TMC2: variants seen among roughly 807,000 people sequenced by gnomAD.
TMC2 encodes transmembrane channel-like protein 2.
TMC2 carries 102 observed loss-of-function variants against 105.9 expected under a neutral mutation model. That is an observed-to-expected ratio of 0.96 (90% CI 0.82 to 1.14). TMC2 has a LOEUF of 1.14. Ranked by LOEUF, TMC2 falls within the 50% of genes most tolerant of loss-of-function variation. TMC2 has a pLI of 0.00. For synonymous variants in TMC2, 402 were observed against 422.8 expected (o/e 0.95, Z 0.60); for missense variants, 1,093 against 1,134.3 (o/e 0.96, Z 0.52).
At chr20:2,587,963 G>T (rs968272680) in intron 7 of TMC2, among the ~76,000 whole-genome samples, 4 of 151,876 alleles carry the variant, frequency 2.6e-5, no homozygotes, top group African/African-American at 9.7e-5. Context: ...TGTATATGTG[G>T]TAGGCAGAAT....
chr20:2,563,199 G>A (rs2086040080), intron 4 of TMC2, among the ~76,000 whole-genome samples: 2 of 152,100 alleles, frequency 1.3e-5, no homozygotes, highest in South Asian at 4.2e-4. Flanking sequence ...CAATTTGGCA[G>A]CCATGTTTTT....
Position 2,641,416 on chromosome 20 carries a change from C to T in TMC2, c.*65C>T. On this transcript the variant is annotated 3_prime_UTR_variant, in exon 20 of 20. Coordinates refer to ENST00000358864, the MANE Select transcript of TMC2 (RefSeq NM_080751.3). ...CTCAAGTACCCCAGTTTCACACATA[C>T]CAAACCAAGGTTCTCTCCCCTCTTT... 2 of 1,031,346 alleles carry T rather than the reference C, an allele frequency of 1.9e-6. No homozygotes were observed. The highest frequency in any genetic ancestry group is 2.0e-5 in the Admixed American group (1 of 49,258). 63.9% of individuals were successfully genotyped at this position (1,031,346 alleles called of 1,614,324 possible).
rs369670008 is a variant in TMC2 at position 2,558,390 on chromosome 20, G to A, written c.83-66G>A. 1.2e-5 allele frequency: 18 copies of A among 1,542,668 alleles called. No individual in the cohort carries two copies. In the East Asian group the frequency reaches 2.5e-4, roughly 21 times the overall value. ...CATCTTGGACGTCTGATTTCTCACG[G>A]CCGGGGACATTTTCCTGGGCCTGAG... On this transcript the variant is annotated intron_variant, in intron 2 of 19. Transcript: ENST00000358864. The surrounding 1 kb of genome is among the most constrained non-coding windows in gnomAD (Gnocchi z 4.6).
intron 2 of TMC2, among the ~76,000 whole-genome samples, chr20:2,537,759 C>T (rs1555768994): frequency 6.6e-6 from 1 of 152,130 alleles, no homozygotes; most frequent in Non-Finnish European, 1.5e-5. Flanking sequence ...TCCCGTGAGC[C>T]GGTGAGGGAG....
At chr20:2,594,143 C>T (rs2086287429) in intron 8 of TMC2, among the ~76,000 whole-genome samples, 1 of 151,906 alleles carries the variant, frequency 6.6e-6, no homozygotes, top group Non-Finnish European at 1.5e-5. Flanking sequence ...TGCTGCCATC[C>T]TTCACTCTCA....
intron 11 of TMC2, among the ~76,000 whole-genome samples, chr20:2,604,309 G>A (rs972845946): frequency 6.6e-6 from 1 of 152,186 alleles, no homozygotes; most frequent in Non-Finnish European, 1.5e-5. Context: ...GTTAATTTCA[G>A]GAAATACCAG....
At chr20:2,593,542 A>ATTGCG (rs1484844944) in intron 8 of TMC2, among the ~76,000 whole-genome samples, 2 of 152,224 alleles carry the variant, frequency 1.3e-5, no homozygotes, top group African/African-American at 4.8e-5. Flanking sequence ...AGGCCTAAAG[A>ATTGCG]TTGCGTGTGT....
intron 16 of TMC2, among the ~76,000 whole-genome samples, chr20:2,622,181 A>T (rs2086530073): frequency 6.6e-6 from 1 of 152,220 alleles, no homozygotes; most frequent in Non-Finnish European, 1.5e-5. Flanking sequence ...TCTCTGACAC[A>T]ACTGCTCTTC....
At chr20:2,545,719 A>C (rs1287815428) in intron 2 of TMC2, among the ~76,000 whole-genome samples, 10 of 151,138 alleles carry the variant, frequency 6.6e-5, no homozygotes, top group Non-Finnish European at 1.3e-4. Flanking sequence ...AAGGAAGAAG[A>C]AGATGAGGAA....
intron 4 of TMC2, among the ~76,000 whole-genome samples, chr20:2,569,943 T>C (rs2086091455): frequency 6.6e-6 from 1 of 152,172 alleles, no homozygotes; most frequent in Admixed American, 6.5e-5. Context: ...TCCTTCATGA[T>C]AAAAGCCTCC....
At chr20:2,628,642 G>A (rs371183608) in intron 17 of TMC2, among the ~76,000 whole-genome samples, 40 of 152,170 alleles carry the variant, frequency 2.6e-4, no homozygotes, top group South Asian at 1.5e-3. Flanking sequence ...CACTTTGCTC[G>A]GCACTTCTCC....
Position 2,610,579 on chromosome 20 carries a change from TG to T in TMC2, c.1576del (p.Asp526MetfsTer13), listed in dbSNP as rs1264654407. 4 of 1,603,158 alleles carry T rather than the reference TG, an allele frequency of 2.5e-6. No individual in the cohort carries two copies. Among genetic ancestry groups the T allele is most frequent in the Non-Finnish European group, 3.4e-6 (4 of 1,174,052 alleles). ...CTCTACACATTTCTCTTGGCCCTGA[TG>T]GATGACGTCCACCTCAAGGTAAAAA... is the stretch of plus-strand genomic sequence containing the variant. ...GNLYTFLLAL[M>X]DDVHLKLANE... On this transcript the variant is annotated frameshift_variant, in exon 12 of 20. Coordinates refer to ENST00000358864, the MANE Select transcript of TMC2 (RefSeq NM_080751.3). LOFTEE classifies it high-confidence loss of function.
In TMC2 at chr20:2,592,185, C is replaced by A; in HGVS notation, c.835-125C>A. 1.7e-6 allele frequency: 1 copy of A among 586,248 alleles called. No homozygotes were observed. Among genetic ancestry groups the A allele is most frequent in the Non-Finnish European group, 3.0e-6 (1 of 330,254 alleles). 36.3% of individuals were successfully genotyped at this position (586,248 alleles called of 1,614,324 possible). A position where few individuals can be genotyped will look rare whatever the true frequency, so the allele number is the denominator to read the frequency against. On this transcript the variant is annotated intron_variant, in intron 7 of 19. Transcript: ENST00000358864. This position sits in a 1 kb window ranked among gnomAD's most constrained non-coding sequence, Gnocchi z 4.9. ...AAAAAATGAATTAAATTAATAAATA[C>A]ATAAAGAAAGAAGAAAATAGGTGTA... is the stretch of plus-strand genomic sequence containing the variant.
rs557145610 is a variant in TMC2 at position 2,576,462 on chromosome 20, C to T, written c.646-2684C>T. Among the ~76,000 whole-genome samples the T allele has an allele frequency of 9.9e-5, 15 of 152,284 alleles. No individual in the cohort carries two copies. In the South Asian group the frequency reaches 2.3e-3, roughly 23 times the overall value. On this transcript the variant is annotated intron_variant, in intron 5 of 19. Coordinates refer to ENST00000358864, the MANE Select transcript of TMC2 (RefSeq NM_080751.3). ...GGCTGTCAGGTGGTTGCCAAGGAACCGACCGGCAGGCTGTGCCTCCAGGGA... is the reference window on the plus strand; with the variant it reads ...GGCTGTCAGGTGGTTGCCAAGGAACTGACCGGCAGGCTGTGCCTCCAGGGA...
intron 2 of TMC2, among the ~76,000 whole-genome samples, chr20:2,548,222 A>G (rs1033502515): frequency 1.3e-5 from 2 of 152,268 alleles, no homozygotes; most frequent in Non-Finnish European, 1.5e-5. Context: ...AAGGGCAGAT[A>G]TGAACATGTG....
chr20:2,549,062 TGTTTTTTG>T (rs1421140298), intron 2 of TMC2, among the ~76,000 whole-genome samples: 3 of 152,322 alleles, frequency 2.0e-5, no homozygotes, highest in East Asian at 3.9e-4. Flanking sequence ...AATTTATTTG[TGTTTTTTG>T]GTTTTTTGGT....
chr20:2,612,542 A>C (rs1481600190), intron 13 of TMC2, among the ~76,000 whole-genome samples: 1 of 152,186 alleles, frequency 6.6e-6, no homozygotes, highest in Non-Finnish European at 1.5e-5. Flanking sequence ...TGGTGTCTCA[A>C]AGGTTGTGAT....
intron 2 of TMC2, among the ~76,000 whole-genome samples, chr20:2,542,307 G>A (rs1475494531): frequency 1.3e-5 from 2 of 152,172 alleles, no homozygotes; most frequent in Non-Finnish European, 2.9e-5. Context: ...AAGGAAAAGC[G>A]TTTTGGGGCT....
chr20:2,605,190 A>G (rs369526561), intron 11 of TMC2, among the ~76,000 whole-genome samples: 1 of 152,140 alleles, frequency 6.6e-6, no homozygotes, highest in Non-Finnish European at 1.5e-5. Context: ...ATTGGTTGGT[A>G]TGGGAAAAAA....
Sources: allele counts gnomAD v4.1 joint callset (sites outside exome capture counted in the v4.1 genomes callset), GRCh38; gene constraint gnomAD v4.1.1; non-coding constraint Gnocchi (gnomAD v3.1); transcripts MANE v1.5; gene names NCBI Gene and HGNC (gene_info 2026-07-23, HGNC 2026-07-21).